Variants in ZFAND3 observed in about 807,000 individuals in gnomAD.
ZFAND3 encodes AN1-type zinc finger protein 3.
A neutral mutation model predicts 29.6 loss-of-function variants in ZFAND3; 10 were observed. The observed-to-expected ratio is 0.34, with a 90% CI of 0.21 to 0.57. ZFAND3 has a LOEUF of 0.57. Ranked by LOEUF, ZFAND3 falls within the 20% of genes least tolerant of loss-of-function variation. The probability of loss-of-function intolerance (pLI) is 0.86; values close to 1 mark genes in which losing one functional copy is unlikely to be tolerated. For synonymous variants in ZFAND3, 128 were observed against 112.6 expected, an observed-to-expected ratio of 1.14 and a Z score of -0.87; for missense variants, 230 against 304.5, an observed-to-expected ratio of 0.76 and a Z score of 1.82.
chr6:37,949,863 T>C (rs1262348312), intron 2 of ZFAND3, among the ~76,000 whole-genome samples: 1 of 152,196 alleles, frequency 6.6e-6, no homozygotes, highest in East Asian at 1.9e-4. Context: ...TTCAGCTATC[T>C]GGAAGCTTAC....
At chr6:37,854,583 G>GTTA (rs1764341494) in intron 1 of ZFAND3, among the ~76,000 whole-genome samples, 1 of 152,116 alleles carries the variant, frequency 6.6e-6, no homozygotes, top group East Asian at 1.9e-4. Context: ...TTCTAAGAGT[G>GTTA]TTATGTGTAT....
At chr6:37,867,058 A>G (rs1261434783) in intron 1 of ZFAND3, among the ~76,000 whole-genome samples, 6 of 152,242 alleles carry the variant, frequency 3.9e-5, no homozygotes, top group Admixed American at 3.9e-4. Context: ...CCAAAAGGAT[A>G]CAAAAGAGAA....
intron 1 of ZFAND3, among the ~76,000 whole-genome samples, chr6:37,845,683 CAG>C (rs1249414663): frequency 5.3e-5 from 8 of 152,180 alleles, no homozygotes; most frequent in Non-Finnish European, 2.9e-5. Context: ...TCTACTCCCT[CAG>C]AGACTTGCTA....
At chr6:37,881,593 A>G (rs1764895717) in intron 1 of ZFAND3, among the ~76,000 whole-genome samples, 1 of 152,182 alleles carries the variant, frequency 6.6e-6, no homozygotes, top group Non-Finnish European at 1.5e-5. Context: ...TAATTAGAAA[A>G]GAAAACAGCT....
intron 1 of ZFAND3, among the ~76,000 whole-genome samples, chr6:37,823,098 C>T (rs1763696089): frequency 6.6e-6 from 1 of 152,050 alleles, no homozygotes; most frequent in Non-Finnish European, 1.5e-5. Context: ...TTGAGAATGG[C>T]TTGGGTGTGT....
chr6:37,862,207 T>C (rs1333430302), intron 1 of ZFAND3, among the ~76,000 whole-genome samples: 1 of 152,182 alleles, frequency 6.6e-6, no homozygotes, highest in East Asian at 1.9e-4. Flanking sequence ...ACCATATGTT[T>C]ACTTTTTATT....
At chr6:38,024,470 CAA>C (rs34123545) in intron 2 of ZFAND3, among the ~76,000 whole-genome samples, 20 of 112,638 alleles carry the variant, frequency 1.8e-4, no homozygotes, top group East Asian at 4.6e-4. Flanking sequence ...GACTCCGTCT[CAA>C]AAAAAAAAAA....
chr6:37,865,297 AGTT>A (rs1245558194), intron 1 of ZFAND3, among the ~76,000 whole-genome samples: 2 of 152,222 alleles, frequency 1.3e-5, no homozygotes, highest in Admixed American at 6.5e-5. Flanking sequence ...TTGTATAAAT[AGTT>A]GTTGTATTGT....
At chr6:37,832,122 C>T (rs146660771) in intron 1 of ZFAND3, among the ~76,000 whole-genome samples, 2 of 152,180 alleles carry the variant, frequency 1.3e-5, no homozygotes, top group African/African-American at 2.4e-5. Context: ...CAAAGGAAAC[C>T]GGTTAGCCTG....
chr6:37,834,854 C>CAAAAAAAAA (rs35865620), intron 1 of ZFAND3, among the ~76,000 whole-genome samples: 10 of 142,056 alleles, frequency 7.0e-5, no homozygotes, highest in African/African-American at 2.5e-4. Flanking sequence ...ATGTATGTTT[C>CAAAAAAAAA]AAAAAAAAAA....
Position 38,153,350 on chromosome 6 carries a change from C to A in ZFAND3, c.*961C>A. 1.0e-6 allele frequency: 1 copy of A among 985,510 alleles called. No homozygotes were observed. Among genetic ancestry groups the A allele is most frequent in the Non-Finnish European group, 1.2e-6 (1 of 829,964 alleles). 61.0% of individuals were successfully genotyped at this position (985,510 alleles called of 1,614,324 possible). A position where few individuals can be genotyped will look rare whatever the true frequency, so the allele number is the denominator to read the frequency against. On this transcript the variant is annotated 3_prime_UTR_variant, in exon 6 of 6. Coordinates refer to ENST00000287218, the MANE Select transcript of ZFAND3 (RefSeq NM_021943.3). Reference sequence around the variant, plus strand: ...CTGGGGAAGCTGCCGCCCACGGGCTCTGCCCCTTCCAGCTGGAGCCGCCCG... The same window carrying A: ...CTGGGGAAGCTGCCGCCCACGGGCTATGCCCCTTCCAGCTGGAGCCGCCCG...
In ZFAND3 at chr6:38,130,813, G is replaced by A. The variant is rs1765727772; in HGVS notation, c.529+14074G>A. 1.3e-5 allele frequency among the ~76,000 whole-genome samples: 2 copies of A among 152,272 alleles called. 1 individual carries two copies. Among genetic ancestry groups the A allele is most frequent in the South Asian group, 4.1e-4 (2 of 4,822 alleles). The stretch of plus-strand genomic sequence containing the variant: ...TCTTTCCTGGTTTTGGTATTAGGGT[G>A]ATACTGGCTTCATAGAATGATTTGG... On this transcript the variant is annotated intron_variant, in intron 5 of 5. Transcript: ENST00000287218.
chr6:37,898,081 G>C lies in ZFAND3; in HGVS notation c.72-31878G>C, dbSNP rs573144988. 1.8e-3 allele frequency among the ~76,000 whole-genome samples: 268 copies of C among 151,690 alleles called. 1 individual carries two copies. The highest frequency in any genetic ancestry group is 3.2e-3 in the Non-Finnish European group (217 of 68,010). On this transcript the variant is annotated intron_variant, in intron 1 of 5. Coordinates refer to ENST00000287218, the MANE Select transcript of ZFAND3 (RefSeq NM_021943.3). Reference sequence around the variant, plus strand: ...TATCTATCATTGTTTTATGTGGTCAGGACTCTTTGTGTTTTAAGATATCTT... The same window carrying C: ...TATCTATCATTGTTTTATGTGGTCACGACTCTTTGTGTTTTAAGATATCTT...
intron 3 of ZFAND3, among the ~76,000 whole-genome samples, chr6:38,067,341 C>G (rs141375842): frequency 6.6e-6 from 1 of 152,332 alleles, no homozygotes; most frequent in Non-Finnish European, 1.5e-5. Flanking sequence ...CATAATTACC[C>G]TGTAAGGCAG....
At chr6:37,933,532 A>G (rs1761636571) in intron 2 of ZFAND3, among the ~76,000 whole-genome samples, 1 of 152,232 alleles carries the variant, frequency 6.6e-6, no homozygotes, top group South Asian at 2.1e-4. Context: ...AGGAATAAGA[A>G]AGGAGAAATG....
intron 1 of ZFAND3, among the ~76,000 whole-genome samples, chr6:37,880,606 A>G (rs1228631982): frequency 2.0e-5 from 3 of 152,146 alleles, no homozygotes; most frequent in Admixed American, 6.5e-5. Flanking sequence ...AACAGTGCCT[A>G]TTTATTCAGA....
At chr6:37,991,586 C>G (rs1286682263) in intron 2 of ZFAND3, among the ~76,000 whole-genome samples, 1 of 152,148 alleles carries the variant, frequency 6.6e-6, no homozygotes, top group African/African-American at 2.4e-5. Flanking sequence ...CTGCTGACCT[C>G]AGGTGAGCCA....
At chr6:37,843,235 C>T (rs1231408882) in intron 1 of ZFAND3, among the ~76,000 whole-genome samples, 1 of 152,060 alleles carries the variant, frequency 6.6e-6, no homozygotes, top group Non-Finnish European at 1.5e-5. Context: ...CCTGTAATCC[C>T]AGCACTTTGG....
intron 4 of ZFAND3, among the ~76,000 whole-genome samples, chr6:38,087,424 T>C (rs759129688): frequency 3.3e-5 from 5 of 152,104 alleles, no homozygotes; most frequent in Admixed American, 6.5e-5. Flanking sequence ...GGAGAAAATA[T>C]TTGCAAACTA....
Sources: gnomAD v4.1 joint callset for allele counts (sites outside exome capture counted in the v4.1 genomes callset) on GRCh38, gnomAD v4.1.1 for gene constraint, MANE v1.5 for transcripts, NCBI Gene and HGNC (gene_info 2026-07-23, HGNC 2026-07-21) for gene names.